TRPC6: variants seen among roughly 807,000 people sequenced by gnomAD.
TRPC6 encodes the protein short transient receptor potential channel 6.
TRPC6 carries 55 observed loss-of-function variants against 90.7 expected under a neutral mutation model. That is an observed-to-expected ratio of 0.61 (90% CI 0.49 to 0.76). The LOEUF is 0.76. Ranked by LOEUF, TRPC6 falls within the 30% of genes least tolerant of loss-of-function variation. The probability of loss-of-function intolerance (pLI) is 0.00; values close to 1 mark genes in which losing one functional copy is unlikely to be tolerated. For synonymous variants in TRPC6, 393 were observed against 393.0 expected, an observed-to-expected ratio of 1.00 and a Z score of 0.00; for missense variants, 989 against 1,122.7, an observed-to-expected ratio of 0.88 and a Z score of 1.70.
Position 101,504,784 on chromosome 11 carries a change from T to G in TRPC6, c.185A>C (p.Asn62Thr). 6.2e-7 allele frequency: 1 copy of G among 1,611,722 alleles called. No individual in the cohort carries two copies. The change falls in exon 2 of 13, where the codon AAC becomes ACC. Residue 62 changes from asparagine (N) to threonine (T), a missense_variant. Physicochemically the swap from Asn to Thr is moderately conservative, Grantham distance 65. Transcript: ENST00000344327. Reference sequence around the variant, plus strand: ...TGTCTGCCGCCGGTGAGCCAGTCTGTTGTCAGATCCCCGGCTGCAATAAAA... The same window carrying G: ...TGTCTGCCGCCGGTGAGCCAGTCTGGTGTCAGATCCCCGGCTGCAATAAAA... ...GYYPCFRGSDNRLAHRRQTVL... is the reference protein window; with the variant it reads ...GYYPCFRGSDTRLAHRRQTVL...
intron 1 of TRPC6, among the ~76,000 whole-genome samples, chr11:101,521,521 G>A (rs930255160): frequency 2.0e-5 from 3 of 152,230 alleles, no homozygotes; most frequent in Admixed American, 6.5e-5. Context: ...CAGTGCTAAG[G>A]GGAAATGTGA....
intron 1 of TRPC6, among the ~76,000 whole-genome samples, chr11:101,511,899 G>A (rs531034918): frequency 5.3e-5 from 8 of 152,094 alleles, no homozygotes; most frequent in South Asian, 2.1e-4. Context: ...AGGCTGAGGC[G>A]AGAGAATAGC....
intron 5 of TRPC6, among the ~76,000 whole-genome samples, chr11:101,481,041 G>T (rs1052465164): frequency 2.6e-5 from 4 of 152,184 alleles, no homozygotes; most frequent in Non-Finnish European, 5.9e-5. Flanking sequence ...GAAATGAAGT[G>T]ATTTGAAAGT....
intron 6 of TRPC6, among the ~76,000 whole-genome samples, chr11:101,474,462 G>A (rs1859366969): frequency 6.6e-6 from 1 of 151,988 alleles, no homozygotes; most frequent in Non-Finnish European, 1.5e-5. Flanking sequence ...GTGTAAGAAA[G>A]GGGAAAAACA....
In TRPC6 at chr11:101,504,548, C is replaced by A. The variant is rs199798745; in HGVS notation, c.421G>T (p.Val141Leu). The change falls in exon 2 of 13, where the codon GTG becomes TTG. Residue 141 changes from valine (V) to leucine (L), a missense_variant. Coordinates refer to ENST00000344327, the MANE Select transcript of TRPC6 (RefSeq NM_004621.6). ...GTAATTTCCAGATGCTCATTGGCCA[C>A]TGCCAACTGTAGGGCATTCTGGCCC... ...YMGQNALQLA[V>L]ANEHLEITEL... 49 of 1,614,188 alleles carry A rather than the reference C, an allele frequency of 3.0e-5. No individual in the cohort carries two copies. Among genetic ancestry groups the A allele is most frequent in the Non-Finnish European group, 3.4e-5 (40 of 1,180,020 alleles).
At chr11:101,494,264 G>T (rs923324773) in intron 2 of TRPC6, among the ~76,000 whole-genome samples, 3 of 152,100 alleles carry the variant, frequency 2.0e-5, no homozygotes, top group South Asian at 2.1e-4. Flanking sequence ...CTACTTACGA[G>T]CCATGTGACC....
At chr11:101,534,657 G>T (rs1860992804) in intron 1 of TRPC6, among the ~76,000 whole-genome samples, 1 of 151,318 alleles carries the variant, frequency 6.6e-6, no homozygotes, top group African/African-American at 2.4e-5. Flanking sequence ...CTAATTAAAA[G>T]AAAGACTAAA....
chr11:101,528,507 A>T (rs1201025021), intron 1 of TRPC6, among the ~76,000 whole-genome samples: 1 of 152,214 alleles, frequency 6.6e-6, no homozygotes, highest in Non-Finnish European at 1.5e-5. Flanking sequence ...ATATTACTTT[A>T]GAGGGTTATT....
chr11:101,472,183 A>C lies in TRPC6; in HGVS notation c.2159T>G (p.Leu720Arg). The C allele has an allele frequency of 6.2e-7, 1 of 1,612,316 alleles. No homozygotes were observed. The highest frequency in any genetic ancestry group is 1.1e-5 in the South Asian group (1 of 91,024). Reference protein sequence around the residue: ...VYNVTMVIVLLNMLIAMINSS... With the variant: ...VYNVTMVIVLRNMLIAMINSS... ...GTTGATCATGGCAATTAACATATTTAGCAAAACAATGACCATCGTAACATT... is the reference window on the plus strand; with the variant it reads ...GTTGATCATGGCAATTAACATATTTCGCAAAACAATGACCATCGTAACATT... The change falls in exon 8 of 13, where the codon CTA becomes CGA. Residue 720 changes from leucine (L) to arginine (R), a missense_variant. Around this residue, in one of 4 missense-constraint regions of TRPC6, gnomAD observed 118 missense variants for 197.6 expected, o/e 0.60. Transcript: ENST00000344327.
intron 1 of TRPC6, among the ~76,000 whole-genome samples, chr11:101,579,112 T>C (rs776842267): frequency 1.3e-5 from 2 of 152,178 alleles, no homozygotes; most frequent in Non-Finnish European, 2.9e-5. Context: ...ACTCTTACCT[T>C]CTAGCTCCAT....
At chr11:101,554,430 TAAG>T (rs1476356091) in intron 1 of TRPC6, among the ~76,000 whole-genome samples, 1 of 152,046 alleles carries the variant, frequency 6.6e-6, no homozygotes, top group Non-Finnish European at 1.5e-5. Flanking sequence ...ATTAACCTGT[TAAG>T]AGAATAAACA....
intron 1 of TRPC6, among the ~76,000 whole-genome samples, chr11:101,573,883 A>AAAAAATCAGAAACCGTCTGAACTATC (rs1555015109): frequency 1.1e-4 from 17 of 150,360 alleles, no homozygotes; most frequent in African/African-American, 3.2e-4. Flanking sequence ...AATCCTGGGA[A>AAAAAATCAGAAACCGTCTGAACTATC]CAGTAGTGAA....
intron 1 of TRPC6, among the ~76,000 whole-genome samples, chr11:101,569,496 C>A (rs1458812174): frequency 6.6e-6 from 1 of 152,156 alleles, no homozygotes; most frequent in African/African-American, 2.4e-5. Context: ...AGGACTTGAA[C>A]TCAGCTCTGG....
chr11:101,573,513 T>C (rs1251154234), intron 1 of TRPC6, among the ~76,000 whole-genome samples: 1 of 152,172 alleles, frequency 6.6e-6, no homozygotes, highest in Non-Finnish European at 1.5e-5. Context: ...TAAATAAAGC[T>C]AGGGCCTGGC....
chr11:101,478,784 A>C (rs1409533420), intron 5 of TRPC6, among the ~76,000 whole-genome samples: 1 of 152,128 alleles, frequency 6.6e-6, no homozygotes, highest in African/African-American at 2.4e-5. Context: ...GAATTTTCAG[A>C]ATATTCCTTC....
At chr11:101,508,658 C>T (rs1860328119) in intron 1 of TRPC6, among the ~76,000 whole-genome samples, 1 of 152,028 alleles carries the variant, frequency 6.6e-6, no homozygotes, top group Non-Finnish European at 1.5e-5. Flanking sequence ...GGGGGAGAGA[C>T]AGTATCTTCC....
At chr11:101,476,607 T>C (rs1859423461) in intron 5 of TRPC6, 73 bp from the exon 6 acceptor site, 1 of 1,365,850 alleles carries the variant, frequency 7.3e-7, no homozygotes, top group East Asian at 2.3e-5. Context: ...CAAAATATGT[T>C]TGAAAGGTCT....
chr11:101,562,455 ATTCT>A (rs1205898850), intron 1 of TRPC6, among the ~76,000 whole-genome samples: 1 of 152,080 alleles, frequency 6.6e-6, no homozygotes. Context: ...ATGTTTTAAA[ATTCT>A]TTCTCTGTTC....
At chr11:101,549,879 T>C (rs1861413100) in intron 1 of TRPC6, among the ~76,000 whole-genome samples, 1 of 151,474 alleles carries the variant, frequency 6.6e-6, no homozygotes, top group African/African-American at 2.4e-5. Context: ...AGTCAATGAA[T>C]AGACAAATAA....
Sources: gnomAD v4.1 joint callset for allele counts (sites outside exome capture counted in the v4.1 genomes callset) on GRCh38, gnomAD v4.1.1 for gene constraint, gnomAD v4.1.1 regional missense constraint, MANE v1.5 for transcripts, NCBI Gene and HGNC (gene_info 2026-07-23, HGNC 2026-07-21) for gene names.